Variants in PPEF1 observed in about 807,000 individuals in gnomAD.
PPEF1 encodes the protein protein phosphatase with EF-hand domain 1, also known as serine/threonine-protein phosphatase with EF-hands 1.
A neutral mutation model predicts 53.3 loss-of-function variants in PPEF1; 12 were observed. The observed-to-expected ratio is 0.23, with a 90% CI of 0.14 to 0.36. PPEF1 has a LOEUF of 0.36. Ranked by LOEUF, PPEF1 falls within the 10% of genes least tolerant of loss-of-function variation. The probability of loss-of-function intolerance (pLI) is 1.00; values close to 1 mark genes in which losing one functional copy is unlikely to be tolerated. For synonymous variants in PPEF1, 165 were observed against 176.7 expected (o/e 0.93, Z 0.52); for missense variants, 334 against 490.4 (o/e 0.68, Z 3.01).
At chrX:18,798,877 C>T (rs1413437165) in intron 10 of PPEF1, among the ~76,000 whole-genome samples, 2 of 111,188 alleles carry the variant, frequency 1.8e-5, no homozygotes, top group African/African-American at 6.5e-5. Context: ...CCACCCATCT[C>T]GGCCTCCCAA....
At chrX:18,782,886 G>T (rs2046114070) in intron 8 of PPEF1, among the ~76,000 whole-genome samples, 1 of 108,946 alleles carries the variant, frequency 9.2e-6, no homozygotes, top group African/African-American at 3.3e-5. Flanking sequence ...GCTGAGGCCG[G>T]TGGATCACTT....
intron 10 of PPEF1, among the ~76,000 whole-genome samples, chrX:18,795,940 TTTTG>T (rs779496821): frequency 1.8e-5 from 2 of 111,308 alleles, no homozygotes; most frequent in Non-Finnish European, 3.8e-5. Flanking sequence ...GGACACTGGG[TTTTG>T]TTTGTTTGGT....
At chrX:18,676,430 C>T (rs1373480042) in intron 1 of PPEF1, among the ~76,000 whole-genome samples, 1 of 108,507 alleles carries the variant, frequency 9.2e-6, no homozygotes, top group Non-Finnish European at 1.9e-5. Context: ...ACCCGTTTCC[C>T]GATGTCCTCA....
chrX:18,711,048 GTA>G (rs1226991402), intron 1 of PPEF1, among the ~76,000 whole-genome samples: 1 of 98,902 alleles, frequency 1.0e-5, no homozygotes, highest in Non-Finnish European at 2.0e-5. Context: ...ATATATGTAT[GTA>G]TGTGTGTGCA....
chrX:18,675,919 A>G (rs1928652425), exon 1 of PPEF1: 1 of 79,250 alleles, frequency 1.3e-5, no homozygotes, highest in South Asian at 9.2e-4. Flanking sequence ...ATTGCTCACC[A>G]TTCTCAAGCT....
chrX:18,691,142 G>A (rs1183603363), intron 4 of PPEF1: 1 of 112,030 alleles, frequency 8.9e-6, no homozygotes, highest in Non-Finnish European at 1.9e-5. Context: ...TATGATCCGG[G>A]TAGGCATGGG....
intron 1 of PPEF1, among the ~76,000 whole-genome samples, chrX:18,710,702 G>GA (rs2044303277): frequency 1.8e-5 from 2 of 111,562 alleles, no homozygotes; most frequent in African/African-American, 6.5e-5. Context: ...AGGATGTAGG[G>GA]AAAAGGGAAT....
intron 1 of PPEF1, among the ~76,000 whole-genome samples, chrX:18,711,986 T>TCA (rs2044341331): frequency 9.0e-6 from 1 of 111,597 alleles, no homozygotes; most frequent in African/African-American, 3.3e-5. Context: ...ACTCCTGACC[T>TCA]TGTGATCCGC....
At chrX:18,799,091 C>T (rs1010372630) in intron 10 of PPEF1, among the ~76,000 whole-genome samples, 31 of 111,479 alleles carry the variant, frequency 2.8e-4, no homozygotes, top group South Asian at 3.8e-4. Flanking sequence ...CAAAAATTAG[C>T]CGGGCGTGGT....
At chrX:18,742,191 A>G (rs1012437649) in intron 3 of PPEF1, among the ~76,000 whole-genome samples, 2 of 111,810 alleles carry the variant, frequency 1.8e-5, no homozygotes, top group East Asian at 2.8e-4. Context: ...CATTTTACTA[A>G]TATACCATAA....
At chrX:18,781,797 C>T (rs368958001) in intron 7 of PPEF1, among the ~76,000 whole-genome samples, 1 of 111,214 alleles carries the variant, frequency 9.0e-6, no homozygotes, top group African/African-American at 3.3e-5. Flanking sequence ...CATTGAATCT[C>T]CCTTCACTAC....
At position 18,822,822 on chromosome X, in the gene PPEF1, G is replaced by A. The variant is rs73191565; in HGVS notation, c.1502-1101G>A. Among the ~76,000 whole-genome samples the A allele has an allele frequency of 5.7e-3, 639 of 111,529 alleles. 4 individuals are homozygous for A. Among genetic ancestry groups the A allele is most frequent in the Non-Finnish European group, 8.4e-3 (446 of 53,140 alleles). ...TCAAGATACAAATTCCTCCCAAATT[G>A]AGCTATAGTTTCAATGCAATCTCAG... On this transcript the variant is annotated intron_variant, in intron 13 of 15. Coordinates refer to ENST00000470157, the MANE Select transcript of PPEF1 (RefSeq NM_001377996.1).
At position 18,789,048 on chromosome X, in the gene PPEF1, C is replaced by T. The variant is rs2046276709; in HGVS notation, c.913-73C>T. ...TGGCACCACAACATAGAAAGAATCC[C>T]ACCTGGGACTGAAGTCTCTGTATGT... On this transcript the variant is annotated intron_variant, in intron 9 of 15. Transcript: ENST00000470157. The T allele has an allele frequency of 1.2e-5, 13 of 1,122,748 alleles. No individual in the cohort carries two copies. The East Asian group carries it at 3.6e-4, about 31-fold the overall frequency. The allele number at this position is 1,122,748 out of a possible 1,213,427, so 92.5% of individuals were successfully genotyped here.
At chrX:18,708,688 A>C (rs2044257045) in intron 1 of PPEF1, among the ~76,000 whole-genome samples, 1 of 111,656 alleles carries the variant, frequency 9.0e-6, no homozygotes, top group Non-Finnish European at 1.9e-5. Flanking sequence ...TTAGCGTGGG[A>C]TGTTTTACTT....
At chrX:18,783,266 T>TGA (rs1276531010) in intron 8 of PPEF1, among the ~76,000 whole-genome samples, 1 of 109,690 alleles carries the variant, frequency 9.1e-6, no homozygotes, top group African/African-American at 3.3e-5. Flanking sequence ...ATGAGGAGTG[T>TGA]GAGAGCTCCA....
At chrX:18,821,239 A>G (rs926928283) in intron 13 of PPEF1, among the ~76,000 whole-genome samples, 2 of 109,298 alleles carry the variant, frequency 1.8e-5, no homozygotes, top group Non-Finnish European at 3.8e-5. Context: ...AAAAAAAAAA[A>G]AGAAATAATC....
At chrX:18,749,619 T>C (rs2045398340) in intron 3 of PPEF1, among the ~76,000 whole-genome samples, 173 bp from the exon 4 acceptor site, 1 of 111,536 alleles carries the variant, frequency 9.0e-6, no homozygotes, top group Non-Finnish European at 1.9e-5. Flanking sequence ...AATGTTCTGG[T>C]CTCAGGGTCA....
intron 6 of PPEF1, among the ~76,000 whole-genome samples, chrX:18,702,388 G>A (rs1294312100): frequency 2.8e-5 from 3 of 108,134 alleles, no homozygotes; most frequent in Non-Finnish European, 5.7e-5. Context: ...CCAATTTCTT[G>A]CTAAAGCCAA....
At chrX:18,786,217 A>C (rs933848478) in intron 9 of PPEF1, among the ~76,000 whole-genome samples, 4 of 111,436 alleles carry the variant, frequency 3.6e-5, no homozygotes. Flanking sequence ...AGCTCTATCG[A>C]GGGCTTTTTG....
Sources: allele counts gnomAD v4.1 joint callset (sites outside exome capture counted in the v4.1 genomes callset), GRCh38; gene constraint gnomAD v4.1.1; transcripts MANE v1.5; gene names NCBI Gene and HGNC (gene_info 2026-07-23, HGNC 2026-07-21).